Variants in ECM2 observed in about 807,000 individuals in gnomAD.
The protein encoded by ECM2 is extracellular matrix protein 2, also known as extracellular matrix protein 2, female organ and adipocyte specific.
Under a neutral mutation model 67.5 loss-of-function variants are expected in ECM2, and 57 were observed. The observed-to-expected ratio is 0.84, with a 90% CI of 0.68 to 1.05. ECM2 has a LOEUF of 1.05. Among genes scored for constraint, ECM2 ranks in the 50% least tolerant of loss-of-function variants. The probability of loss-of-function intolerance (pLI) is 0.00; values close to 1 mark genes in which losing one functional copy is unlikely to be tolerated. For synonymous variants in ECM2, 258 were observed against 294.5 expected, an observed-to-expected ratio of 0.88 and a Z score of 1.27; for missense variants, 741 against 822.8, an observed-to-expected ratio of 0.90 and a Z score of 1.22.
chr9:92,524,712 C>G (rs543665927), intron 1 of ECM2, among the ~76,000 whole-genome samples: 1 of 152,266 alleles, frequency 6.6e-6, no homozygotes, highest in African/African-American at 2.4e-5. Context: ...CCCCAGGGAT[C>G]ATAAGAACCC....
chr9:92,517,897 A>C (rs1847824665), intron 2 of ECM2, 22 bp from the exon 3 acceptor site: 1 of 1,613,140 alleles, frequency 6.2e-7, no homozygotes, highest in Non-Finnish European at 8.5e-7. Context: ...CAAAAGCACA[A>C]ATTTAAATTT....
intron 5 of ECM2, among the ~76,000 whole-genome samples, chr9:92,510,885 A>G (rs1847292093): frequency 6.6e-6 from 1 of 152,198 alleles, no homozygotes; most frequent in Non-Finnish European, 1.5e-5. Context: ...GTGTGAATGT[A>G]GAACCCTTTT....
chr9:92,511,937 C>T, intron 5 of ECM2, 74 bp downstream of exon 5: 1 of 1,147,392 alleles, frequency 8.7e-7, no homozygotes, highest in Non-Finnish European at 1.2e-6. Flanking sequence ...CTTTTCCTCC[C>T]TTCCCCATCT....
downstream of ECM2, among the ~76,000 whole-genome samples, chr9:92,494,780 G>A (rs915691850): frequency 3.3e-5 from 5 of 152,004 alleles, no homozygotes; most frequent in African/African-American, 9.7e-5. Flanking sequence ...GGTGACGCAT[G>A]CCTATAGTCC....
At chr9:92,501,089 T>C in intron 8 of ECM2, 36 bp from the exon 9 acceptor site, 1 of 1,589,822 alleles carries the variant, frequency 6.3e-7, no homozygotes, top group Non-Finnish European at 8.6e-7. Flanking sequence ...GGTAGGGACA[T>C]CAGGATGGTG....
At chr9:92,520,010 A>G (rs1260890440) in intron 2 of ECM2, among the ~76,000 whole-genome samples, 1 of 96,994 alleles carries the variant, frequency 1.0e-5, no homozygotes, top group Admixed American at 9.0e-5. Flanking sequence ...TGCCCAATAC[A>G]GTGGCTCTCG....
the ECM2 span, among the ~76,000 whole-genome samples, chr9:92,555,718 G>A: frequency 0.011 from 1,728 of 152,220 alleles, 26 homozygotes; most frequent in African/African-American, 0.038. Flanking sequence ...TTGTATTTCA[G>A]TGGTGTCAGT....
the ECM2 span, among the ~76,000 whole-genome samples, chr9:92,547,404 ATGTT>A: frequency 1.3e-5 from 2 of 152,244 alleles, no homozygotes; most frequent in African/African-American, 4.8e-5. Context: ...AACAGCCTAA[ATGTT>A]TGTCAACTGT....
At chr9:92,515,562 G>T (rs1293139509) in intron 3 of ECM2, among the ~76,000 whole-genome samples, 2 of 152,196 alleles carry the variant, frequency 1.3e-5, no homozygotes, top group African/African-American at 4.8e-5. Context: ...ATAATCAGTT[G>T]TGATACCTTT....
intron 1 of ECM2, among the ~76,000 whole-genome samples, chr9:92,533,563 C>T (rs1163823783): frequency 6.6e-6 from 1 of 151,498 alleles, no homozygotes; most frequent in Non-Finnish European, 1.5e-5. Flanking sequence ...AATATTGGCC[C>T]TGTTGTTTTT....
chr9:92,558,511 C>T, the ECM2 span, among the ~76,000 whole-genome samples: 62 of 152,250 alleles, frequency 4.1e-4, no homozygotes, highest in African/African-American at 1.4e-3. Context: ...GTCTCTCAGC[C>T]GTGGATACCA....
At chr9:92,545,876 G>A in the ECM2 span, among the ~76,000 whole-genome samples, 1 of 151,902 alleles carries the variant, frequency 6.6e-6, no homozygotes, top group African/African-American at 2.4e-5. Context: ...TCAGTGTTCT[G>A]TGTCTAGCTG....
chr9:92,520,225 G>C (rs1847979876), intron 2 of ECM2, among the ~76,000 whole-genome samples: 1 of 151,544 alleles, frequency 6.6e-6, no homozygotes, highest in African/African-American at 2.4e-5. Flanking sequence ...CAAGACTGCA[G>C]TGAGCTATGA....
In ECM2 at chr9:92,522,722, A is replaced by T. The variant is rs763373947; in HGVS notation, c.145T>A (p.Ser49Thr). ...RKSSTSHKHR[S>T]NRQLGIQQTT... ...TGCTGAATTCCAAGCTGTCTGTTTG[A>T]TCTGTGCTTGTGTGAGGTTGAACTT... The change falls in exon 2 of 10, where the codon TCA becomes ACA. Residue 49 changes from serine to threonine, a missense_variant. Coordinates refer to ENST00000344604, the MANE Select transcript of ECM2 (RefSeq NM_001393.4). The T allele has an allele frequency of 7.3e-5, 118 of 1,614,020 alleles. No homozygotes were observed. Among genetic ancestry groups the T allele is most frequent in the Non-Finnish European group, 9.4e-5 (111 of 1,180,024 alleles).
chr9:92,516,691 A>T (rs954892340), intron 3 of ECM2: 14 of 152,198 alleles, frequency 9.2e-5, no homozygotes, highest in Non-Finnish European at 1.9e-4. Flanking sequence ...TTCTGAAAAA[A>T]TTTCTGAGAA....
intron 6 of ECM2, among the ~76,000 whole-genome samples, chr9:92,507,658 C>T (rs1847087405): frequency 6.6e-6 from 1 of 152,218 alleles, no homozygotes; most frequent in Admixed American, 6.5e-5. Flanking sequence ...GGCAGCATCA[C>T]ATGGTCATCC....
intron 1 of ECM2, among the ~76,000 whole-genome samples, chr9:92,523,598 G>A (rs974725496): frequency 2.0e-5 from 3 of 152,236 alleles, no homozygotes; most frequent in African/African-American, 7.2e-5. Flanking sequence ...AGAAGCAGAT[G>A]TTTAGGGCGA....
At chr9:92,504,429 A>G (rs1232808228) in intron 7 of ECM2, among the ~76,000 whole-genome samples, 1 of 152,168 alleles carries the variant, frequency 6.6e-6, no homozygotes, top group African/African-American at 2.4e-5. Context: ...TGGCTGGATG[A>G]TCATGTGGTC....
intron 1 of ECM2, among the ~76,000 whole-genome samples, chr9:92,525,928 A>T (rs1305091496): frequency 6.7e-6 from 1 of 149,348 alleles, no homozygotes; most frequent in African/African-American, 2.5e-5. Flanking sequence ...ACATACAATT[A>T]TGTACAGTAC....
Sources: gnomAD v4.1 joint callset for allele counts (sites outside exome capture counted in the v4.1 genomes callset) on GRCh38, gnomAD v4.1.1 for gene constraint, MANE v1.5 for transcripts, NCBI Gene and HGNC (gene_info 2026-07-23, HGNC 2026-07-21) for gene names.